The following CHD6 variants were observed in gnomAD, a reference collection of about 807,000 sequenced individuals.
CHD6 encodes the protein ATP-dependent chromatin remodeler CHD6.
Under a neutral mutation model 276.9 loss-of-function variants are expected in CHD6, and 50 were observed. The observed-to-expected ratio is 0.18, with a 90% confidence interval of 0.14 to 0.23. CHD6 has a LOEUF of 0.23. Ranked by LOEUF, CHD6 falls within the 10% of genes least tolerant of loss-of-function variation. The pLI, the probability that CHD6 is intolerant of heterozygous loss-of-function variation, is 1.00. For missense variants in CHD6, 2,564 were observed against 3,365.8 expected (o/e 0.76, Z 5.89); for synonymous variants, 1,173 against 1,229.3 (o/e 0.95, Z 0.96).
In CHD6 at chr20:41,439,313, G is replaced by A. The variant is rs554453308; in HGVS notation, c.4007+687C>T. Among the ~76,000 whole-genome samples, 8 of 151,340 alleles carry A rather than the reference G, an allele frequency of 5.3e-5. No homozygotes were observed. In the East Asian group the frequency reaches 7.8e-4, roughly 15 times the overall value. On this transcript the variant is annotated intron_variant, in intron 26 of 36. Coordinates refer to ENST00000373233, the MANE Select transcript of CHD6 (RefSeq NM_032221.5). ...GGAGGTTGCAGTGAGCCAAGATTGC[G>A]CCACTGCACTCCTGCCTGGGTGACA...
chr20:41,451,151 T>G (rs763314265), intron 22 of CHD6, 46 bp from the exon 23 acceptor site: 1 of 1,558,938 alleles, frequency 6.4e-7, no homozygotes, highest in Non-Finnish European at 8.8e-7. Flanking sequence ...CCAAGGGGGG[T>G]GTTACACACG....
intron 32 of CHD6, among the ~76,000 whole-genome samples, 155 bp downstream of exon 32, chr20:41,417,043 T>C (rs1475754996): frequency 2.6e-5 from 4 of 152,228 alleles, no homozygotes; most frequent in African/African-American, 9.6e-5. Context: ...AGCGCATGTA[T>C]CTTTAATGTT....
At chr20:41,558,169 G>A (rs765381312) in intron 1 of CHD6, among the ~76,000 whole-genome samples, 6 of 152,070 alleles carry the variant, frequency 3.9e-5, no homozygotes, top group Non-Finnish European at 8.8e-5. Flanking sequence ...TACCCTCCAC[G>A]CCCACAAACT....
Position 41,489,907 on chromosome 20 carries a change from A to G in CHD6, c.1551T>C (p.Pro517=). ...GCTCCCAGTTAGTGATGGTGGAGAG[A>G]GGGGCGATAATGAGAAAAGGGCCGT... ...GIHGPFLIIA[P]LSTITNWERE... is the part of the protein sequence containing the mutation. Residue 517 remains proline (P), a synonymous_variant, in exon 12 of 37, where the codon CCT becomes CCC. Coordinates refer to ENST00000373233, the MANE Select transcript of CHD6 (RefSeq NM_032221.5). 2 of 1,613,984 alleles carry G rather than the reference A, an allele frequency of 1.2e-6. No individual in the cohort carries two copies. Among genetic ancestry groups the G allele is most frequent in the East Asian group, 4.5e-5 (2 of 44,840 alleles).
At chr20:41,605,625 A>G (rs6102493) in intron 1 of CHD6, among the ~76,000 whole-genome samples, 59,046 of 152,032 alleles carry the variant, frequency 0.39, 14,408 homozygotes, top group African/African-American at 0.67. Context: ...TTACACAAAT[A>G]CCAAGGGTTA....
Position 41,440,057 on chromosome 20 carries a change from T to C in CHD6, c.3950A>G (p.Glu1317Gly), listed in dbSNP as rs537257744. 83 of 1,614,032 alleles carry C rather than the reference T, an allele frequency of 5.1e-5. 1 individual carries two copies. The South Asian group carries it at 8.8e-4, about 17-fold the overall frequency. ...ACCCTGTTCTGCAGAAAGGGACTTCTCATCGGGCATCCCAACTTTCTCCAG... is the reference window on the plus strand; with the variant it reads ...ACCCTGTTCTGCAGAAAGGGACTTCCCATCGGGCATCCCAACTTTCTCCAG... ...CFLEKVGMPD[E>G]KSLSAEQGVT... Residue 1317 changes from glutamate (E) to glycine (G), a missense_variant, in exon 26 of 37, where the codon GAG becomes GGG. By Grantham distance (98) the Glu-to-Gly change is moderately conservative. This residue lies in a region of CHD6 where 515 missense variants were observed against 739.5 expected (regional missense o/e 0.70). Transcript: ENST00000373233.
chr20:41,607,782 A>C (rs1051550813), intron 1 of CHD6, among the ~76,000 whole-genome samples: 1 of 151,326 alleles, frequency 6.6e-6, no homozygotes, highest in Non-Finnish European at 1.5e-5. Flanking sequence ...AAAAAAAAAA[A>C]CACCTCATTA....
chr20:41,454,955 A>T (rs777441359), intron 19 of CHD6, among the ~76,000 whole-genome samples: 1 of 152,124 alleles, frequency 6.6e-6, no homozygotes, highest in Non-Finnish European at 1.5e-5. Flanking sequence ...AACTGAAGGG[A>T]TCATTTTTTT....
At chr20:41,424,422 G>A (rs758638746) in intron 29 of CHD6, among the ~76,000 whole-genome samples, 13 of 152,228 alleles carry the variant, frequency 8.5e-5, no homozygotes, top group Admixed American at 2.6e-4. Flanking sequence ...AGGCATGGGG[G>A]TAACAGGGTG....
At chr20:41,545,097 T>C (rs1406212159) in intron 2 of CHD6, among the ~76,000 whole-genome samples, 6 of 152,128 alleles carry the variant, frequency 3.9e-5, no homozygotes, top group Non-Finnish European at 8.8e-5. Flanking sequence ...CGGATGTCCT[T>C]CTTTATATGA....
At chr20:41,410,156 T>C (rs2046800860) in intron 36 of CHD6, among the ~76,000 whole-genome samples, 1 of 152,192 alleles carries the variant, frequency 6.6e-6, no homozygotes. Flanking sequence ...GTTTCCGCTA[T>C]AAATGTTTCA....
intron 31 of CHD6, 49 bp downstream of exon 31, chr20:41,420,459 G>A (rs6029672): frequency 0.31 from 483,361 of 1,539,210 alleles, 77,811 homozygotes; most frequent in African/African-American, 0.45. Flanking sequence ...ACCCCCCGTC[G>A]TGTGTGAACT....
chr20:41,486,936 A>G (rs2043428837), intron 14 of CHD6, among the ~76,000 whole-genome samples: 1 of 151,412 alleles, frequency 6.6e-6, no homozygotes, highest in African/African-American at 2.4e-5. Flanking sequence ...TTCAAATTGT[A>G]CTCTCTCCCT....
chr20:41,505,266 G>A (rs958419282), intron 5 of CHD6, among the ~76,000 whole-genome samples: 3 of 152,170 alleles, frequency 2.0e-5, no homozygotes, highest in African/African-American at 4.8e-5. Flanking sequence ...TAAGTACCAC[G>A]CAACTATGAA....
chr20:41,415,761 T>C (rs1050463488), intron 33 of CHD6, 123 bp from the exon 34 acceptor site: 13 of 730,716 alleles, frequency 1.8e-5, no homozygotes, highest in Admixed American at 8.8e-5. Flanking sequence ...TAGGAGTTCT[T>C]CTAACTCAGG....
At chr20:41,416,189 C>G (rs1181780754) in intron 33 of CHD6, among the ~76,000 whole-genome samples, 1 of 152,184 alleles carries the variant, frequency 6.6e-6, no homozygotes, top group Admixed American at 6.5e-5. Context: ...CTCTAAGGGT[C>G]AACCACACTG....
chr20:41,405,200 G>T lies in CHD6; in HGVS notation c.7541C>A (p.Thr2514Asn), dbSNP rs1214896569. The T allele has an allele frequency of 1.2e-6, 2 of 1,614,200 alleles. No homozygotes were observed. The highest frequency in any genetic ancestry group is 2.7e-5 in the African/African-American group (2 of 75,060). ...CAGCATCATGGGCAGCATGCTCAGG[G>T]TACTTTTGACCTCTTCACCTGTTGG... Reference protein sequence around the residue: ...TMPTGEEVKSTLSMLPMMLPG... With the variant: ...TMPTGEEVKSNLSMLPMMLPG... Residue 2514 changes from threonine to asparagine, a missense_variant, in exon 37 of 37, where the codon ACC becomes AAC. This residue lies in a region of CHD6 where 238 missense variants were observed against 266.0 expected (regional missense o/e 0.89). Coordinates refer to ENST00000373233, the MANE Select transcript of CHD6 (RefSeq NM_032221.5).
chr20:41,562,388 G>A (rs967886789), intron 1 of CHD6, among the ~76,000 whole-genome samples: 4 of 152,108 alleles, frequency 2.6e-5, no homozygotes, highest in Admixed American at 1.3e-4. Flanking sequence ...ACTAGCATGA[G>A]GAAAGGCTTC....
intron 1 of CHD6, among the ~76,000 whole-genome samples, chr20:41,591,401 CACACACATATATAT>C (rs2045658547): frequency 6.6e-6 from 1 of 151,136 alleles, no homozygotes; most frequent in Admixed American, 6.6e-5. Context: ...CACACACACA[CACACACATATATAT>C]ATACATATAT....
Sources: allele counts gnomAD v4.1 joint callset (sites outside exome capture counted in the v4.1 genomes callset), GRCh38; gene constraint gnomAD v4.1.1; regional missense constraint gnomAD v4.1.1; transcripts MANE v1.5; gene names NCBI Gene and HGNC (gene_info 2026-07-23, HGNC 2026-07-21).